The following SUSD1 variants were observed in gnomAD, a reference collection of about 807,000 sequenced individuals.
SUSD1 encodes the protein sushi domain-containing protein 1.
SUSD1 carries 65 observed loss-of-function variants against 86.9 expected under a neutral mutation model. The ratio of observed to expected loss-of-function variants is 0.75; its 90% CI spans 0.61 to 0.92. The LOEUF is 0.92. Among genes scored for constraint, SUSD1 ranks in the 40% least tolerant of loss-of-function variants. SUSD1 has a pLI of 0.00. For missense variants in SUSD1, 850 were observed against 929.7 expected (o/e 0.91, Z 1.11); for synonymous variants, 346 against 350.0 (o/e 0.99, Z 0.13).
chr9:112,123,060 A>G (rs10981268), intron 6 of SUSD1, among the ~76,000 whole-genome samples: 30,258 of 152,174 alleles, frequency 0.2, 3,213 homozygotes, highest in African/African-American at 0.26. Context: ...GTATACATAA[A>G]CACTACTGAA....
At chr9:112,163,718 G>C (rs1833663860) in intron 1 of SUSD1, among the ~76,000 whole-genome samples, 1 of 152,198 alleles carries the variant, frequency 6.6e-6, no homozygotes, top group Non-Finnish European at 1.5e-5. Flanking sequence ...CAAAAACTCA[G>C]CTGGGCATGG....
intron 15 of SUSD1, among the ~76,000 whole-genome samples, chr9:112,048,298 T>C (rs1021671053): frequency 1.3e-5 from 2 of 152,192 alleles, no homozygotes; most frequent in Non-Finnish European, 2.9e-5. Flanking sequence ...GGTAGATGTA[T>C]ACCAAAGACA....
At chr9:112,082,935 A>G (rs1407352026) in intron 10 of SUSD1, among the ~76,000 whole-genome samples, 1 of 151,988 alleles carries the variant, frequency 6.6e-6, no homozygotes, top group African/African-American at 2.4e-5. Flanking sequence ...TATGTTGCCC[A>G]GGCTGGGCTT....
At chr9:112,062,877 A>G in intron 13 of SUSD1, 60 bp downstream of exon 13, 2 of 1,190,716 alleles carry the variant, frequency 1.7e-6, no homozygotes, top group South Asian at 2.5e-5. Flanking sequence ...CCAAAATCAA[A>G]GTTTCCAAAA....
At chr9:112,095,789 G>A (rs139706160) in intron 10 of SUSD1, among the ~76,000 whole-genome samples, 26 of 152,308 alleles carry the variant, frequency 1.7e-4, no homozygotes, top group African/African-American at 6.0e-4. Flanking sequence ...GCAAGATGAT[G>A]CATTTCACTT....
chr9:112,146,594 C>T (rs1486842262), intron 3 of SUSD1, among the ~76,000 whole-genome samples: 4 of 151,772 alleles, frequency 2.6e-5, no homozygotes, highest in Non-Finnish European at 4.4e-5. Context: ...CCTGTTCCCA[C>T]CAATCTTCTC....
At chr9:112,084,949 T>G (rs530736793) in intron 10 of SUSD1, among the ~76,000 whole-genome samples, 27 of 152,322 alleles carry the variant, frequency 1.8e-4, no homozygotes, top group African/African-American at 6.3e-4. Flanking sequence ...GCAAAATCAA[T>G]CACTATTTCC....
At chr9:112,162,392 T>A (rs929825389) in intron 1 of SUSD1, among the ~76,000 whole-genome samples, 1 of 152,204 alleles carries the variant, frequency 6.6e-6, no homozygotes, top group Admixed American at 6.5e-5. Flanking sequence ...AGCAGGTACA[T>A]AGCTTTAGAG....
chr9:112,102,106 C>T, intron 9 of SUSD1, 70 bp downstream of exon 9: 1 of 779,206 alleles, frequency 1.3e-6, no homozygotes. Context: ...ACTTTGGATA[C>T]TTACTTGGAG....
At chr9:112,052,574 T>G in intron 14 of SUSD1, 136 bp from the exon 15 acceptor site, 1 of 943,160 alleles carries the variant, frequency 1.1e-6, no homozygotes, top group Non-Finnish European at 1.6e-6. Context: ...AAGTCCAATC[T>G]AGCTCTAATA....
intron 14 of SUSD1, among the ~76,000 whole-genome samples, chr9:112,054,746 A>G (rs1828372979): frequency 6.6e-6 from 1 of 152,198 alleles, no homozygotes; most frequent in Non-Finnish European, 1.5e-5. Flanking sequence ...CTCTTAGAAG[A>G]CAACAAAAAG....
intron 10 of SUSD1, among the ~76,000 whole-genome samples, chr9:112,097,300 G>T (rs1405669646): frequency 6.6e-6 from 1 of 151,804 alleles, no homozygotes; most frequent in African/African-American, 2.4e-5. Flanking sequence ...CCTCCAGCCT[G>T]GGTGACAGAG....
chr9:112,168,954 G>T (rs898220580), intron 1 of SUSD1, among the ~76,000 whole-genome samples: 1 of 152,110 alleles, frequency 6.6e-6, no homozygotes, highest in African/African-American at 2.4e-5. Context: ...AACAACGGGA[G>T]GAAATAAGCC....
chr9:112,041,766 C>T (rs1827748785), intron 16 of SUSD1, 101 bp downstream of exon 16: 2 of 1,178,318 alleles, frequency 1.7e-6, no homozygotes, highest in South Asian at 2.8e-5. Context: ...AACCTCCACC[C>T]ACACTCCCTT....
rs180847301 is a variant in SUSD1, at chr9:112,058,382, C to A, written c.2109+46G>T. The A allele has an allele frequency of 4.6e-4, 722 of 1,583,364 alleles. 2 individuals are homozygous for A. Among genetic ancestry groups the A allele is most frequent in the Non-Finnish European group, 5.1e-4 (596 of 1,164,578 alleles). ...AATGTTCAAACATTTAAATGTCATA[C>A]GAAGAAGAAAATACAGAGTTCACAA... On this transcript the variant is annotated intron_variant, in intron 14 of 16. Transcript: ENST00000374270.
chr9:112,156,849 T>C (rs1833350585), intron 2 of SUSD1, among the ~76,000 whole-genome samples: 1 of 152,186 alleles, frequency 6.6e-6, no homozygotes, highest in Non-Finnish European at 1.5e-5. Flanking sequence ...AATTGGAAGA[T>C]TATTGCAACA....
chr9:112,170,710 T>TAGAGAG (rs1554778939), intron 1 of SUSD1, among the ~76,000 whole-genome samples: 207 of 113,814 alleles, frequency 1.8e-3, no homozygotes, highest in African/African-American at 6.9e-3. Context: ...TATATATATA[T>TAGAGAG]AGAGAGAGAG....
At position 112,121,281 on chromosome 9, in the gene SUSD1, G is replaced by GATCCT. The variant is rs777921866; in HGVS notation, c.886+2975_886+2976insAGGAT. The stretch of plus-strand genomic sequence containing the variant: ...TACATCCTCTTGAATTCGCGATGGA[G>GATCCT]ATAACCAAATATAGGAATTGCATGG... On this transcript the variant is annotated intron_variant, in intron 6 of 16. Coordinates refer to ENST00000374270, the MANE Select transcript of SUSD1 (RefSeq NM_022486.5). Among the ~76,000 whole-genome samples, 326 of 152,278 alleles carry GATCCT rather than the reference G, an allele frequency of 2.1e-3. 2 individuals are homozygous for GATCCT. The highest frequency in any genetic ancestry group is 7.1e-3 in the Admixed American group (108 of 15,292).
intron 1 of SUSD1, among the ~76,000 whole-genome samples, chr9:112,162,479 G>T (rs1289826569): frequency 2.0e-5 from 3 of 152,172 alleles, no homozygotes; most frequent in Non-Finnish European, 4.4e-5. Context: ...CCCATTATAA[G>T]CTACTTCCCC....
Sources: allele counts gnomAD v4.1 joint callset (sites outside exome capture counted in the v4.1 genomes callset), GRCh38; gene constraint gnomAD v4.1.1; transcripts MANE v1.5; gene names NCBI Gene and HGNC (gene_info 2026-07-23, HGNC 2026-07-21).